The following PLXNA4 variants were observed in gnomAD, a reference collection of about 807,000 sequenced individuals.
PLXNA4 encodes plexin-A4.
In PLXNA4, 44 loss-of-function variants were observed where a neutral mutation model predicts 191.8. The observed-to-expected ratio is 0.23, with a 90% CI of 0.18 to 0.29. PLXNA4 has a LOEUF of 0.29. Among genes scored for constraint, PLXNA4 ranks in the 10% least tolerant of loss-of-function variants. PLXNA4 has a pLI of 1.00. For missense variants in PLXNA4, 1,800 were observed against 2,488.8 expected, an observed-to-expected ratio of 0.72 and a Z score of 5.89; for synonymous variants, 1,082 against 1,009.5, an observed-to-expected ratio of 1.07 and a Z score of -1.36.
intron 1 of PLXNA4, among the ~76,000 whole-genome samples, chr7:132,524,174 C>G (rs962832612): frequency 1.3e-5 from 2 of 152,176 alleles, no homozygotes; most frequent in African/African-American, 4.8e-5. Flanking sequence ...ACTGTGACGG[C>G]CCCTGGGTAG....
intron 3 of PLXNA4, among the ~76,000 whole-genome samples, chr7:132,334,083 T>C (rs1802709241): frequency 6.6e-6 from 1 of 152,160 alleles, no homozygotes; most frequent in South Asian, 2.1e-4. Flanking sequence ...TTTTACATTA[T>C]ATGTAATCTC....
At chr7:132,282,739 C>G (rs1009527962) in intron 4 of PLXNA4, among the ~76,000 whole-genome samples, 26 of 145,486 alleles carry the variant, frequency 1.8e-4, no homozygotes, top group Admixed American at 4.9e-4. Flanking sequence ...CATCAAAATG[C>G]ATAACACTAA....
intron 2 of PLXNA4, among the ~76,000 whole-genome samples, chr7:132,615,963 C>CTCTA (rs1209676325): frequency 1.3e-5 from 2 of 150,260 alleles, no homozygotes; most frequent in African/African-American, 5.0e-5. Flanking sequence ...CTCTCTCTCT[C>CTCTA]TATTCCCCAC....
intron 2 of PLXNA4, among the ~76,000 whole-genome samples, chr7:132,592,567 C>T (rs774741185): frequency 2.0e-5 from 3 of 149,342 alleles, no homozygotes; most frequent in South Asian, 2.1e-4. Context: ...TAAAAACCCA[C>T]ATTAAATTCT....
At chr7:132,213,175 T>A (rs993915420) in intron 9 of PLXNA4, among the ~76,000 whole-genome samples, 1 of 152,018 alleles carries the variant, frequency 6.6e-6, no homozygotes, top group Non-Finnish European at 1.5e-5. Flanking sequence ...AGGGTTCCAC[T>A]TGTGGGAGGT....
chr7:132,418,022 T>C (rs1337810002), intron 3 of PLXNA4, among the ~76,000 whole-genome samples: 1 of 152,212 alleles, frequency 6.6e-6, no homozygotes, highest in Non-Finnish European at 1.5e-5. Flanking sequence ...TTGAGTTTAT[T>C]TAGAACTAGC....
At chr7:132,137,618 G>T (rs551973307) in intron 30 of PLXNA4, among the ~76,000 whole-genome samples, 2 of 152,054 alleles carry the variant, frequency 1.3e-5, no homozygotes, top group African/African-American at 4.8e-5. Context: ...CTTGGATGAG[G>T]GGAATGAATA....
At position 132,223,635 on chromosome 7, in the gene PLXNA4, C is replaced by G; in HGVS notation, c.1989G>C (p.Leu663=). 1 of 1,612,942 alleles carries G rather than the reference C, an allele frequency of 6.2e-7. No individual in the cohort carries two copies. The highest frequency in any genetic ancestry group is 8.5e-7 in the Non-Finnish European group (1 of 1,179,476). The change falls in exon 9 of 32, where the codon CTG becomes CTC. Residue 663 remains leucine, a synonymous_variant. Transcript: ENST00000321063. ...AGCGGTATGGACTCTCCACGCAGGA[C>G]AGGCACCTGGGCACAGGGGAAGGGA... ...FYNCSVHNSC[L]SCVESPYRCH... is the part of the protein sequence containing the mutation.
intron 2 of PLXNA4, among the ~76,000 whole-genome samples, chr7:132,639,257 C>A (rs1803669522): frequency 6.6e-6 from 1 of 152,190 alleles, no homozygotes; most frequent in Non-Finnish European, 1.5e-5. Context: ...CTCTTCCAGT[C>A]CTTAGGCCTT....
Position 132,555,859 on chromosome 7 carries a change from T to C in PLXNA4, c.-87+20563A>G, listed in dbSNP as rs191999444. Reference sequence around the variant, plus strand: ...GAAAGCCTTGCATCAGAGTCTACACTGTTTGTTAAAAAACATAAGAGATGT... The same window carrying C: ...GAAAGCCTTGCATCAGAGTCTACACCGTTTGTTAAAAAACATAAGAGATGT... On this transcript the variant is annotated intron_variant, in intron 1 of 31. Transcript: ENST00000321063. Among the ~76,000 whole-genome samples the C allele has an allele frequency of 3.3e-5, 5 of 152,378 alleles. No homozygotes were observed. The East Asian group carries it at 9.6e-4, about 29-fold the overall frequency.
intron 3 of PLXNA4, among the ~76,000 whole-genome samples, chr7:132,311,168 G>T (rs1267364710): frequency 7.6e-6 from 1 of 132,330 alleles, no homozygotes; most frequent in Non-Finnish European, 1.6e-5. Context: ...GTGTGTGTGT[G>T]TGTGTGTGTG....
At chr7:132,363,936 G>A (rs1447307340) in intron 3 of PLXNA4, among the ~76,000 whole-genome samples, 13 of 152,388 alleles carry the variant, frequency 8.5e-5, no homozygotes, top group Non-Finnish European at 5.9e-5. Context: ...ACCTCCTGCT[G>A]CCCAGGCTGT....
intron 1 of PLXNA4, among the ~76,000 whole-genome samples, chr7:132,540,039 G>T (rs1356662825): frequency 2.6e-5 from 4 of 152,288 alleles, no homozygotes; most frequent in South Asian, 4.2e-4. Flanking sequence ...GAGGCTTTGT[G>T]GTTGACTGAG....
At chr7:132,423,571 A>T (rs1214555340) in intron 3 of PLXNA4, among the ~76,000 whole-genome samples, 1 of 152,212 alleles carries the variant, frequency 6.6e-6, no homozygotes, top group South Asian at 2.1e-4. Context: ...AGAGATGGTC[A>T]TGAAGCCAAA....
intron 3 of PLXNA4, among the ~76,000 whole-genome samples, chr7:132,397,732 C>A (rs1793822841): frequency 6.6e-6 from 1 of 152,194 alleles, no homozygotes. Context: ...CCTACTGGGC[C>A]AAAGGCCATC....
chr7:132,363,274 C>T (rs529215816), intron 3 of PLXNA4, among the ~76,000 whole-genome samples: 26 of 152,134 alleles, frequency 1.7e-4, no homozygotes, highest in Non-Finnish European at 3.7e-4. Context: ...CATGAGCCAC[C>T]GCACCCAGTC....
chr7:132,278,601 C>G (rs777755785), intron 4 of PLXNA4, among the ~76,000 whole-genome samples: 2 of 152,178 alleles, frequency 1.3e-5, no homozygotes, highest in Non-Finnish European at 2.9e-5. Context: ...GGCAGGGGTT[C>G]TCAGGGCAGC....
intron 4 of PLXNA4, among the ~76,000 whole-genome samples, chr7:132,284,281 G>C (rs1001057718): frequency 6.6e-6 from 1 of 152,158 alleles, no homozygotes; most frequent in Non-Finnish European, 1.5e-5. Flanking sequence ...CAGAATTTTT[G>C]TTCTAAGAAA....
rs574254890 is a variant in PLXNA4 at position 132,267,915 on chromosome 7, C to T, written c.1504-26749G>A. On this transcript the variant is annotated intron_variant, in intron 4 of 31. Coordinates refer to ENST00000321063, the MANE Select transcript of PLXNA4 (RefSeq NM_020911.2). Reference sequence around the variant, plus strand: ...GCCATCAAGAGTTAACTCCATCTGACTCTAATGCACGCACTGCCACCCAGA... The same window carrying T: ...GCCATCAAGAGTTAACTCCATCTGATTCTAATGCACGCACTGCCACCCAGA... Among the ~76,000 whole-genome samples the T allele has an allele frequency of 2.0e-5, 3 of 152,208 alleles. No homozygotes were observed. In the South Asian group the frequency reaches 6.2e-4, roughly 32 times the overall value.
Sources: gnomAD v4.1 joint callset for allele counts (sites outside exome capture counted in the v4.1 genomes callset) on GRCh38, gnomAD v4.1.1 for gene constraint, MANE v1.5 for transcripts, NCBI Gene and HGNC (gene_info 2026-07-23, HGNC 2026-07-21) for gene names.